Variants in WDR70 observed in about 807,000 individuals in gnomAD.
WDR70 encodes the protein WD repeat domain 70.
In WDR70, 53 loss-of-function variants were observed where a neutral mutation model predicts 88.6. The observed-to-expected ratio is 0.60, with a 90% CI of 0.48 to 0.75. WDR70 has a LOEUF of 0.75. Among genes scored for constraint, WDR70 ranks in the 30% least tolerant of loss-of-function variants. The probability of loss-of-function intolerance (pLI) is 0.00; values close to 1 mark genes in which losing one functional copy is unlikely to be tolerated. For synonymous variants in WDR70, 280 were observed against 270.0 expected (o/e 1.04, Z -0.36); for missense variants, 610 against 823.2 (o/e 0.74, Z 3.17).
At chr5:37,724,877 T>A (rs1406594968) in intron 15 of WDR70, 57 bp from the exon 16 acceptor site, 105 of 1,448,532 alleles carry the variant, frequency 7.2e-5, no homozygotes, top group Middle Eastern at 1.8e-4. Flanking sequence ...TTTAACTATG[T>A]TTTTGGATGG....
At chr5:37,650,122 G>A (rs1396265425) in intron 10 of WDR70, among the ~76,000 whole-genome samples, 2 of 150,256 alleles carry the variant, frequency 1.3e-5, no homozygotes, top group Non-Finnish European at 3.0e-5. Flanking sequence ...ATTGGGCCGG[G>A]CGCAGTGGCT....
intron 9 of WDR70, among the ~76,000 whole-genome samples, chr5:37,602,555 G>A (rs2112471076): frequency 6.6e-6 from 1 of 152,054 alleles, no homozygotes; most frequent in African/African-American, 2.4e-5. Context: ...GAACCTGGGA[G>A]GCGGAGGCTG....
chr5:37,633,281 A>C (rs555087367), intron 10 of WDR70, among the ~76,000 whole-genome samples: 11 of 152,316 alleles, frequency 7.2e-5, no homozygotes, highest in African/African-American at 2.6e-4. Context: ...ACTAGATTAG[A>C]AGTACTTCAG....
intron 9 of WDR70, among the ~76,000 whole-genome samples, chr5:37,596,462 C>T (rs1343234054): frequency 2.6e-5 from 4 of 152,100 alleles, no homozygotes; most frequent in South Asian, 2.1e-4. Flanking sequence ...TGAGGTGTAA[C>T]GAAAGGGTAG....
intron 9 of WDR70, among the ~76,000 whole-genome samples, chr5:37,576,617 A>G (rs1743062282): frequency 6.6e-6 from 1 of 152,178 alleles, no homozygotes; most frequent in Non-Finnish European, 1.5e-5. Flanking sequence ...GCTTCCTTCC[A>G]GTCCTATCTA....
intron 17 of WDR70, among the ~76,000 whole-genome samples, chr5:37,751,837 G>A (rs1748823220): frequency 6.6e-6 from 1 of 152,228 alleles, no homozygotes. Flanking sequence ...ACGAAGCACA[G>A]AAAGTCTTTG....
intron 13 of WDR70, among the ~76,000 whole-genome samples, chr5:37,714,567 A>G (rs937574782): frequency 6.6e-6 from 1 of 152,144 alleles, no homozygotes; most frequent in Non-Finnish European, 1.5e-5. Context: ...GAGGGGCTCC[A>G]TATCTTGATA....
intron 14 of WDR70, chr5:37,722,464 G>T (rs1581527159): frequency 9.9e-6 from 2 of 202,122 alleles, no homozygotes; most frequent in East Asian, 2.5e-4. Flanking sequence ...ATGCCATTTG[G>T]GGTGTAGACC....
At chr5:37,389,466 A>G (rs1748742018) in intron 3 of WDR70, among the ~76,000 whole-genome samples, 1 of 150,938 alleles carries the variant, frequency 6.6e-6, no homozygotes, top group South Asian at 2.1e-4. Flanking sequence ...GCTGGAGTGC[A>G]GTGGTGCCAT....
rs1738333875 is a variant in WDR70, at chr5:37,443,250, G to T, written c.564G>T (p.Leu188Phe). 6.2e-7 allele frequency: 1 copy of T among 1,611,596 alleles called. No homozygotes were observed. The highest frequency in any genetic ancestry group is 1.3e-5 in the African/African-American group (1 of 74,808). Residue 188 changes from leucine to phenylalanine, a missense_variant, in exon 7 of 18, where the codon TTG (leucine) becomes TTT (phenylalanine). Physicochemically the swap from Leu to Phe is conservative, Grantham distance 22 (BLOSUM62 0). Transcript: ENST00000265107. ...LKHGTKTVSA[L>F]GLDPSGARLV... is the part of the protein sequence containing the mutation. The stretch of plus-strand genomic sequence containing the variant: ...TTTTTTAAAACCAGGTGTCTGCTTT[G>T]GGTCTGGATCCCTCAGGTGCCCGTT...
chr5:37,600,677 TAAG>T (rs1036978911), intron 9 of WDR70, among the ~76,000 whole-genome samples: 2 of 152,142 alleles, frequency 1.3e-5, no homozygotes, highest in African/African-American at 4.8e-5. Flanking sequence ...CCTTAGTTAT[TAAG>T]AAAATGCAAA....
At chr5:37,649,409 G>T (rs1173325182) in intron 10 of WDR70, among the ~76,000 whole-genome samples, 1 of 150,476 alleles carries the variant, frequency 6.6e-6, no homozygotes, top group East Asian at 1.9e-4. Context: ...GAAGTAACAT[G>T]TTCAACAAAA....
intron 7 of WDR70, among the ~76,000 whole-genome samples, chr5:37,448,968 G>C (rs543905912): frequency 6.6e-6 from 1 of 152,314 alleles, no homozygotes; most frequent in East Asian, 1.9e-4. Context: ...CAGAGGTGAA[G>C]TGGCTTTCTT....
chr5:37,451,406 T>C (rs1328260492), intron 7 of WDR70, among the ~76,000 whole-genome samples: 1 of 152,190 alleles, frequency 6.6e-6, no homozygotes, highest in Non-Finnish European at 1.5e-5. Flanking sequence ...TCCAGTATGG[T>C]AGTCACTCGT....
chr5:37,428,177 T>G (rs1750193513), intron 5 of WDR70, among the ~76,000 whole-genome samples: 1 of 152,190 alleles, frequency 6.6e-6, no homozygotes, highest in African/African-American at 2.4e-5. Flanking sequence ...TCTATCAGGC[T>G]TTTGTTTTGT....
intron 17 of WDR70, among the ~76,000 whole-genome samples, chr5:37,733,574 TGTCAATTG>T (rs1748215548): frequency 6.6e-6 from 1 of 152,090 alleles, no homozygotes; most frequent in African/African-American, 2.4e-5. Flanking sequence ...TGTTCTGTTC[TGTCAATTG>T]GTCTGGCTCT....
intron 9 of WDR70, among the ~76,000 whole-genome samples, chr5:37,519,455 A>T (rs1461164359): frequency 6.9e-6 from 1 of 144,512 alleles, no homozygotes; most frequent in Non-Finnish European, 1.5e-5. Flanking sequence ...CACTTCCCAG[A>T]TGATGGGCTG....
At chr5:37,676,966 G>T (rs1168366961) in intron 10 of WDR70, among the ~76,000 whole-genome samples, 1 of 152,008 alleles carries the variant, frequency 6.6e-6, no homozygotes, top group African/African-American at 2.4e-5. Flanking sequence ...GTCTTGGGAG[G>T]GTGTATGTGT....
At chr5:37,675,447 C>T (rs1746173803) in intron 10 of WDR70, among the ~76,000 whole-genome samples, 1 of 152,152 alleles carries the variant, frequency 6.6e-6, no homozygotes, top group Non-Finnish European at 1.5e-5. Context: ...CAGCTTTCTA[C>T]ATATGGCTAG....
Sources: gnomAD v4.1 joint callset for allele counts (sites outside exome capture counted in the v4.1 genomes callset) on GRCh38, gnomAD v4.1.1 for gene constraint, MANE v1.5 for transcripts, NCBI Gene and HGNC (gene_info 2026-07-23, HGNC 2026-07-21) for gene names.